Variants in SMC1B observed in about 807,000 individuals in gnomAD.
SMC1B encodes structural maintenance of chromosomes protein 1B.
In SMC1B, 60 loss-of-function variants were observed where a neutral mutation model predicts 157.9. The ratio of observed to expected loss-of-function variants is 0.38; its 90% CI spans 0.31 to 0.47. SMC1B has a LOEUF of 0.47. SMC1B is among the 20% of genes least tolerant of loss of function. SMC1B has a pLI of 0.99. For synonymous variants in SMC1B, 445 were observed against 483.0 expected, an observed-to-expected ratio of 0.92 and a Z score of 1.03; for missense variants, 1,165 against 1,426.2, an observed-to-expected ratio of 0.82 and a Z score of 2.95.
intron 4 of SMC1B, among the ~76,000 whole-genome samples, chr22:45,403,685 C>T (rs1430589442): frequency 6.6e-6 from 1 of 152,146 alleles, no homozygotes; most frequent in Non-Finnish European, 1.5e-5. Context: ...TCTCGAACTC[C>T]TGGGCTCAAG....
At chr22:45,392,325 G>C (rs1206909794) in intron 9 of SMC1B, among the ~76,000 whole-genome samples, 2 of 152,070 alleles carry the variant, frequency 1.3e-5, no homozygotes, top group Non-Finnish European at 2.9e-5. Context: ...GGAATACTAG[G>C]TGAGAATTCT....
At chr22:45,401,297 A>C (rs527664272) in intron 5 of SMC1B, among the ~76,000 whole-genome samples, 4 of 152,354 alleles carry the variant, frequency 2.6e-5, no homozygotes, top group South Asian at 2.1e-4. Flanking sequence ...AAGCAGCCCC[A>C]AAATCATTTC....
At chr22:45,406,966 C>A (rs2087269211) in intron 2 of SMC1B, 101 bp from the exon 3 acceptor site, 1 of 745,854 alleles carries the variant, frequency 1.3e-6, no homozygotes, top group Non-Finnish European at 2.1e-6. Context: ...ATTGAAATGG[C>A]CAGTTATATA....
Position 45,371,883 on chromosome 22 carries a change from C to T in SMC1B, c.2196+272G>A, listed in dbSNP as rs188806032. Among the ~76,000 whole-genome samples, 506 of 152,032 alleles carry T rather than the reference C, an allele frequency of 3.3e-3. 12 individuals carry two copies. The highest frequency in any genetic ancestry group is 0.031 in the Admixed American group (470 of 15,268). ...ACCAGCCTGGCCAACATGGTGAAAC[C>T]GCATGTCTACTAAAAAAATACAAAA... On this transcript the variant is annotated intron_variant, in intron 13 of 24. Transcript: ENST00000357450.
At chr22:45,345,991 G>A (rs944035319) in intron 23 of SMC1B, among the ~76,000 whole-genome samples, 1 of 151,288 alleles carries the variant, frequency 6.6e-6, no homozygotes, top group Non-Finnish European at 1.5e-5. Context: ...ATCACCAGAG[G>A]TCAGGAGTTC....
At chr22:45,357,389 G>T (rs975215591) in intron 19 of SMC1B, among the ~76,000 whole-genome samples, 19 of 152,244 alleles carry the variant, frequency 1.2e-4, no homozygotes, top group Admixed American at 1.3e-4. Flanking sequence ...TGGATTCCAG[G>T]TCTGTGCTCT....
At chr22:45,350,600 A>C (rs549581432) in intron 22 of SMC1B, among the ~76,000 whole-genome samples, 79 of 151,256 alleles carry the variant, frequency 5.2e-4, no homozygotes, top group African/African-American at 1.9e-3. Flanking sequence ...CTAACCTCAA[A>C]TGTCCAACTA....
intron 18 of SMC1B, among the ~76,000 whole-genome samples, 172 bp from the exon 19 acceptor site, chr22:45,358,967 A>C (rs961346941): frequency 6.6e-6 from 1 of 152,212 alleles, no homozygotes; most frequent in Non-Finnish European, 1.5e-5. Flanking sequence ...GAATTATCAA[A>C]ATGTGACACA....
At chr22:45,412,361 C>T (rs534844266) in intron 1 of SMC1B, among the ~76,000 whole-genome samples, 1 of 150,860 alleles carries the variant, frequency 6.6e-6, no homozygotes, top group African/African-American at 2.4e-5. Context: ...TCACCACACC[C>T]GATTAATTTT....
At chr22:45,393,559 A>G (rs2087086031) in intron 9 of SMC1B, 75 bp downstream of exon 9, 1 of 1,079,314 alleles carries the variant, frequency 9.3e-7, no homozygotes, top group African/African-American at 1.6e-5. Flanking sequence ...TCTAATCCCA[A>G]ATGAGAAGAT....
intron 23 of SMC1B, among the ~76,000 whole-genome samples, chr22:45,346,684 T>C (rs890048271): frequency 6.6e-6 from 1 of 152,190 alleles, no homozygotes; most frequent in Non-Finnish European, 1.5e-5. Context: ...GCAATGGTAG[T>C]AGCCACTATG....
chr22:45,354,644 GC>G (rs1319358609), intron 20 of SMC1B, among the ~76,000 whole-genome samples: 1 of 152,088 alleles, frequency 6.6e-6, no homozygotes, highest in Non-Finnish European at 1.5e-5. Flanking sequence ...GCCCACCTCA[GC>G]CTCCCAAAGT....
At chr22:45,391,475 T>C (rs1031816882) in intron 9 of SMC1B, among the ~76,000 whole-genome samples, 2 of 152,204 alleles carry the variant, frequency 1.3e-5, no homozygotes, top group African/African-American at 4.8e-5. Context: ...TGTTTTAAAA[T>C]AGTTTCTTTC....
chr22:45,367,573 G>A (rs1358471022), intron 15 of SMC1B, among the ~76,000 whole-genome samples: 1 of 152,122 alleles, frequency 6.6e-6, no homozygotes, highest in Non-Finnish European at 1.5e-5. Flanking sequence ...CCTGGACTGG[G>A]GATGCTAGTC....
In SMC1B at chr22:45,371,545, G is replaced by C; in HGVS notation, c.2239C>G (p.Gln747Glu). The C allele has an allele frequency of 6.3e-7, 1 of 1,593,786 alleles. No individual in the cohort carries two copies. The highest frequency in any genetic ancestry group is 8.5e-7 in the Non-Finnish European group (1 of 1,172,852). The change falls in exon 14 of 25, where the codon CAA (glutamine) becomes GAA (glutamate). Residue 747 changes from glutamine to glutamate, a missense_variant. Transcript: ENST00000357450. Reference protein sequence around the residue: ...LQSELLNIESQCIMLSEGIKE... With the variant: ...LQSELLNIESECIMLSEGIKE... ...ATTCCTTCACTCAACATAATACATT[G>C]AGACTCAATATTTAGTAGTTCACTT...
chr22:45,365,727 G>A lies in SMC1B; in HGVS notation c.2421-2701C>T, dbSNP rs190535556. 9.3e-4 allele frequency among the ~76,000 whole-genome samples: 141 copies of A among 152,062 alleles called. 6 individuals are homozygous for A. In the South Asian group the frequency reaches 0.017, roughly 19 times the overall value. Reference sequence around the variant, plus strand: ...AATTAATAAAGATAAAATAAAATTTGAGATTATTTTTCTACACTAGTAGAA... The same window carrying A: ...AATTAATAAAGATAAAATAAAATTTAAGATTATTTTTCTACACTAGTAGAA... On this transcript the variant is annotated intron_variant, in intron 15 of 24. Transcript: ENST00000357450.
At chr22:45,374,424 C>T (rs2086865631) in intron 12 of SMC1B, among the ~76,000 whole-genome samples, 2 of 152,124 alleles carry the variant, frequency 1.3e-5, no homozygotes, top group African/African-American at 4.8e-5. Flanking sequence ...TACAATACAG[C>T]AGTTCAGTCC....
In SMC1B at chr22:45,390,478, C is replaced by A. The variant is rs150503118; in HGVS notation, c.1546-581G>T. Among the ~76,000 whole-genome samples, 22 of 152,056 alleles carry A rather than the reference C, an allele frequency of 1.4e-4. No individual in the cohort carries two copies. The East Asian group carries it at 4.1e-3, about 28-fold the overall frequency. ...ATCCCAGCATTTTGGGAGGCCGAGGCGGGCAGATCATGGGGTCAAGAGATC... is the reference window on the plus strand; with the variant it reads ...ATCCCAGCATTTTGGGAGGCCGAGGAGGGCAGATCATGGGGTCAAGAGATC... On this transcript the variant is annotated intron_variant, in intron 9 of 24. Coordinates refer to ENST00000357450, the MANE Select transcript of SMC1B (RefSeq NM_148674.5).
chr22:45,381,941 C>T (rs1158908995), intron 12 of SMC1B, among the ~76,000 whole-genome samples: 3 of 152,112 alleles, frequency 2.0e-5, no homozygotes, highest in Non-Finnish European at 4.4e-5. Context: ...TGAAAGCATT[C>T]TATATTGATT....
Sources: allele counts gnomAD v4.1 joint callset (sites outside exome capture counted in the v4.1 genomes callset), GRCh38; gene constraint gnomAD v4.1.1; transcripts MANE v1.5; gene names NCBI Gene and HGNC (gene_info 2026-07-23, HGNC 2026-07-21).